The following HS6ST2 variants were observed in gnomAD, a reference collection of about 807,000 sequenced individuals.
The protein encoded by HS6ST2 is heparan sulfate 6-O-sulfotransferase 2.
In HS6ST2, 17 loss-of-function variants were observed where a neutral mutation model predicts 33.0. The ratio of observed to expected loss-of-function variants is 0.52; its 90% confidence interval spans 0.35 to 0.77. The LOEUF is 0.77. Ranked by LOEUF, HS6ST2 falls within the 30% of genes least tolerant of loss-of-function variation. The pLI is 0.01. For missense variants in HS6ST2, 519 were observed against 551.7 expected (o/e 0.94, Z 0.59); for synonymous variants, 248 against 237.1 (o/e 1.05, Z -0.42).
At chrX:132,668,887 C>T (rs2063832760) in intron 4 of HS6ST2, among the ~76,000 whole-genome samples, 1 of 111,532 alleles carries the variant, frequency 9.0e-6, no homozygotes, top group Non-Finnish European at 1.9e-5. Flanking sequence ...AGAGTCATCT[C>T]CTGACTTTTC....
chrX:132,787,238 T>TATAC (rs2065076022), intron 2 of HS6ST2, among the ~76,000 whole-genome samples: 1 of 88,466 alleles, frequency 1.1e-5, no homozygotes, highest in Non-Finnish European at 2.1e-5. Flanking sequence ...CACATATATA[T>TATAC]ACATATATGT....
intron 2 of HS6ST2, among the ~76,000 whole-genome samples, chrX:132,917,462 T>C (rs1227805093): frequency 9.1e-6 from 1 of 110,170 alleles, no homozygotes; most frequent in African/African-American, 3.3e-5. Context: ...TAGCGGGGCA[T>C]GGTGGTGTGT....
intron 4 of HS6ST2, among the ~76,000 whole-genome samples, chrX:132,651,635 C>T (rs747871800): frequency 8.9e-6 from 1 of 111,740 alleles, no homozygotes; most frequent in Non-Finnish European, 1.9e-5. Flanking sequence ...GATTTAGAGG[C>T]CTTTATTACT....
At chrX:132,839,463 C>A (rs755308557) in intron 2 of HS6ST2, among the ~76,000 whole-genome samples, 1 of 108,547 alleles carries the variant, frequency 9.2e-6, no homozygotes, top group Non-Finnish European at 1.9e-5. Flanking sequence ...AAATACCTAG[C>A]GTTGTCACTT....
Position 132,871,220 on chromosome X carries a change from C to G in HS6ST2, c.947+85588G>C, listed in dbSNP as rs1176838053. Among the ~76,000 whole-genome samples, 18 of 112,137 alleles carry G rather than the reference C, an allele frequency of 1.6e-4. No individual in the cohort carries two copies. The East Asian group carries it at 4.8e-3, about 30-fold the overall frequency. ...AGAGAAATGCAAATCAAAACCACAA[C>G]GAGATACTATCTCATGCCCAGTTAG... On this transcript the variant is annotated intron_variant, in intron 2 of 4. Coordinates refer to ENST00000370833, the MANE Select transcript of HS6ST2 (RefSeq NM_001394073.1).
At chrX:132,660,443 AAG>A (rs947672142) in intron 4 of HS6ST2, among the ~76,000 whole-genome samples, 3 of 110,172 alleles carry the variant, frequency 2.7e-5, no homozygotes, top group Admixed American at 1.9e-4. Context: ...TCTTTCAAAG[AAG>A]AGAGAGAGAG....
Position 132,628,680 on chromosome X carries a change from G to A in HS6ST2, c.1481C>T (p.Ser494Leu), listed in dbSNP as rs762429850. 5.1e-5 allele frequency: 62 copies of A among 1,209,638 alleles called. No individual in the cohort carries two copies. The highest frequency in any genetic ancestry group is 7.0e-5 in the South Asian group (4 of 56,780). ...AGTGGTATTATACTGGGTAAATGGCGAAATAAAGTTCATGTTGAAGGTTTT... is the reference window on the plus strand; with the variant it reads ...AGTGGTATTATACTGGGTAAATGGCAAAATAAAGTTCATGTTGAAGGTTTT... The part of the protein sequence containing the change: ...FEKTFNMNFI[S>L]PFTQYNTTRA... Residue 494 changes from serine (S) to leucine (L), a missense_variant, in exon 5 of 5, where the codon TCG becomes TTG. Coordinates refer to ENST00000370833, the MANE Select transcript of HS6ST2 (RefSeq NM_001394073.1).
At chrX:132,656,077 G>A (rs1207087195) in intron 4 of HS6ST2, among the ~76,000 whole-genome samples, 1 of 109,375 alleles carries the variant, frequency 9.1e-6, no homozygotes, top group Non-Finnish European at 1.9e-5. Context: ...GATGCCAGTC[G>A]GGGAGCATTA....
intron 2 of HS6ST2, among the ~76,000 whole-genome samples, chrX:132,943,572 C>G (rs1459902643): frequency 1.8e-5 from 2 of 111,247 alleles, no homozygotes; most frequent in Non-Finnish European, 3.8e-5. Flanking sequence ...GAAATTTAGA[C>G]CAATATCCAT....
At chrX:132,797,578 G>A (rs1298159421) in intron 2 of HS6ST2, among the ~76,000 whole-genome samples, 3 of 112,228 alleles carry the variant, frequency 2.7e-5, no homozygotes, top group Non-Finnish European at 5.6e-5. Flanking sequence ...GATGGCAGTG[G>A]AGTGTGTGTA....
At chrX:132,882,056 C>A (rs752230434) in intron 2 of HS6ST2, among the ~76,000 whole-genome samples, 1 of 111,436 alleles carries the variant, frequency 9.0e-6, no homozygotes, top group Admixed American at 9.5e-5. Flanking sequence ...TGTCAGGTAG[C>A]GTGATGCCTC....
At chrX:132,902,144 C>A (rs778301937) in intron 2 of HS6ST2, among the ~76,000 whole-genome samples, 27 of 108,522 alleles carry the variant, frequency 2.5e-4, no homozygotes, top group African/African-American at 9.1e-4. Context: ...CTCTTTAACC[C>A]AGGCTGGAGT....
At chrX:132,670,842 G>T (rs1253156663) in intron 3 of HS6ST2, among the ~76,000 whole-genome samples, 1 of 111,842 alleles carries the variant, frequency 8.9e-6, no homozygotes, top group Non-Finnish European at 1.9e-5. Flanking sequence ...AAACGTCTAG[G>T]GGGTATGAAA....
chrX:132,713,015 ACT>A (rs2064244553), intron 2 of HS6ST2, among the ~76,000 whole-genome samples: 1 of 110,452 alleles, frequency 9.1e-6, no homozygotes, highest in Admixed American at 9.7e-5. Flanking sequence ...ACAGGGTGAG[ACT>A]CTGTCTCAAC....
chrX:132,747,248 C>T (rs914308983), intron 2 of HS6ST2, among the ~76,000 whole-genome samples: 6 of 111,886 alleles, frequency 5.4e-5, no homozygotes, highest in Admixed American at 4.7e-4. Context: ...AGGACAAAAC[C>T]TGTGCCACAA....
chrX:132,925,153 C>T (rs1042300789), intron 2 of HS6ST2, among the ~76,000 whole-genome samples: 1 of 111,471 alleles, frequency 9.0e-6, no homozygotes, highest in African/African-American at 3.3e-5. Context: ...CCTAATGAAG[C>T]CTCCACAAAA....
chrX:132,885,286 T>A (rs2066237256), intron 2 of HS6ST2, among the ~76,000 whole-genome samples: 1 of 111,966 alleles, frequency 8.9e-6, no homozygotes, highest in South Asian at 3.7e-4. Flanking sequence ...TTCTGGGTGA[T>A]GAAAACATTC....
chrX:132,708,843 C>T (rs1270439757), intron 2 of HS6ST2, among the ~76,000 whole-genome samples: 2 of 111,866 alleles, frequency 1.8e-5, no homozygotes, highest in Admixed American at 1.9e-4. Flanking sequence ...AAAACAAAAC[C>T]CAAACCAAAC....
At chrX:132,872,866 C>T (rs769269005) in intron 2 of HS6ST2, among the ~76,000 whole-genome samples, 13 of 111,375 alleles carry the variant, frequency 1.2e-4, no homozygotes, top group Non-Finnish European at 1.9e-4. Context: ...ATCGATAAAA[C>T]GCTCTCTTTC....
Sources: gnomAD v4.1 joint callset for allele counts (sites outside exome capture counted in the v4.1 genomes callset) on GRCh38, gnomAD v4.1.1 for gene constraint, MANE v1.5 for transcripts, NCBI Gene and HGNC (gene_info 2026-07-23, HGNC 2026-07-21) for gene names.